The following NUMB variants were observed in gnomAD, a reference collection of about 807,000 sequenced individuals.
NUMB encodes NUMB endocytic adaptor protein, also known as protein numb homolog.
NUMB carries 29 observed loss-of-function variants against 59.7 expected under a neutral mutation model. That is an observed-to-expected ratio of 0.49 (90% confidence interval 0.36 to 0.66). The LOEUF is 0.66. Ranked by LOEUF, NUMB falls within the 30% of genes least tolerant of loss-of-function variation. The pLI is 0.00. For synonymous variants in NUMB, 288 were observed against 288.2 expected (o/e 1.00, Z 0.01); for missense variants, 723 against 822.0 (o/e 0.88, Z 1.47).
At chr14:73,282,109 C>T in intron 11 of NUMB, 1 of 413,470 alleles carries the variant, frequency 2.4e-6, no homozygotes, top group Non-Finnish European at 4.3e-6. Context: ...GTTGGGACTA[C>T]AGAAATTCCT....
At chr14:73,362,315 A>G (rs1348500523) in intron 3 of NUMB, among the ~76,000 whole-genome samples, 1 of 152,170 alleles carries the variant, frequency 6.6e-6, no homozygotes, top group East Asian at 1.9e-4. Context: ...AAATATCACA[A>G]TAGTAAGATG....
intron 10 of NUMB, among the ~76,000 whole-genome samples, chr14:73,283,089 C>T (rs1435732066): frequency 1.3e-5 from 2 of 152,134 alleles, no homozygotes; most frequent in African/African-American, 2.4e-5. Flanking sequence ...GACGCTAGGG[C>T]CTTTATTCTT....
intron 4 of NUMB, among the ~76,000 whole-genome samples, chr14:73,353,463 G>C (rs953234230): frequency 2.7e-5 from 4 of 150,892 alleles, no homozygotes; most frequent in Non-Finnish European, 4.4e-5. Context: ...ACAAATCTTA[G>C]GATGACCACT....
intron 9 of NUMB, chr14:73,286,156 C>T (rs1888978005): frequency 6.9e-6 from 1 of 145,372 alleles, no homozygotes; most frequent in Non-Finnish European, 1.5e-5. Flanking sequence ...TCCCAAGCAG[C>T]TAGGATTACG....
intron 2 of NUMB, among the ~76,000 whole-genome samples, chr14:73,395,635 A>G (rs1350143559): frequency 2.6e-5 from 4 of 152,194 alleles, no homozygotes; most frequent in Non-Finnish European, 5.9e-5. Flanking sequence ...ATAATAAAAT[A>G]TTAAAATTTA....
chr14:73,433,568 T>C (rs1282711677), intron 1 of NUMB, among the ~76,000 whole-genome samples: 1 of 152,180 alleles, frequency 6.6e-6, no homozygotes, highest in African/African-American at 2.4e-5. Flanking sequence ...AAAGACCAGT[T>C]AAACAGTGCT....
At chr14:73,411,092 C>T (rs1201137677) in intron 1 of NUMB, among the ~76,000 whole-genome samples, 3 of 151,994 alleles carry the variant, frequency 2.0e-5, no homozygotes, top group African/African-American at 4.8e-5. Context: ...AGTGCAGTGG[C>T]GTGATCTCGG....
At chr14:73,430,179 A>C (rs954074330) in intron 1 of NUMB, among the ~76,000 whole-genome samples, 1 of 151,764 alleles carries the variant, frequency 6.6e-6, no homozygotes, top group Admixed American at 6.6e-5. Context: ...GCATCAACCT[A>C]TACTGCATTT....
chr14:73,288,631 G>GGGCGGATCACCTGAGGTC (rs910157442), intron 8 of NUMB, among the ~76,000 whole-genome samples: 8 of 151,408 alleles, frequency 5.3e-5, no homozygotes, highest in African/African-American at 1.5e-4. Flanking sequence ...AGGCTGAGGT[G>GGGCGGATCACCTGAGGTC]GGCGGATCAC....
intron 1 of NUMB, among the ~76,000 whole-genome samples, chr14:73,433,110 G>A (rs1408220888): frequency 2.0e-5 from 3 of 151,878 alleles, no homozygotes; most frequent in East Asian, 1.9e-4. Context: ...GGGAGGCTGA[G>A]ACAGGAGAAT....
At chr14:73,330,024 GGGCA>G (rs1891875221) in intron 4 of NUMB, among the ~76,000 whole-genome samples, 2 of 151,910 alleles carry the variant, frequency 1.3e-5, no homozygotes, top group African/African-American at 2.4e-5. Context: ...TCAACAGCAG[GGGCA>G]AACACTTCAA....
intron 2 of NUMB, among the ~76,000 whole-genome samples, chr14:73,404,071 C>T (rs770094136): frequency 2.2e-4 from 30 of 136,318 alleles, no homozygotes; most frequent in African/African-American, 8.0e-4. Context: ...AGCAAGACTC[C>T]GTCTGAAAAA....
intron 1 of NUMB, among the ~76,000 whole-genome samples, chr14:73,419,054 C>G (rs1002155723): frequency 6.6e-6 from 1 of 152,110 alleles, no homozygotes; most frequent in African/African-American, 2.4e-5. Flanking sequence ...AAACTTGGAG[C>G]TTCTTTGCAT....
intron 1 of NUMB, among the ~76,000 whole-genome samples, chr14:73,441,026 A>G (rs1052016620): frequency 6.6e-6 from 1 of 152,022 alleles, no homozygotes; most frequent in Non-Finnish European, 1.5e-5. Flanking sequence ...ACAGCTCACA[A>G]AATGGGAGAA....
At chr14:73,281,772 G>A (rs998945632) in intron 11 of NUMB, among the ~76,000 whole-genome samples, 44 of 152,288 alleles carry the variant, frequency 2.9e-4, no homozygotes, top group African/African-American at 1.0e-3. Context: ...CTCTTTGACA[G>A]GGCAGAGACT....
At chr14:73,441,189 G>T (rs576657563) in intron 1 of NUMB, among the ~76,000 whole-genome samples, 1 of 152,020 alleles carries the variant, frequency 6.6e-6, no homozygotes, top group Non-Finnish European at 1.5e-5. Context: ...TAGACAAATG[G>T]CCAATAAGCA....
chr14:73,438,349 G>C (rs902910347), intron 1 of NUMB, among the ~76,000 whole-genome samples: 1 of 152,004 alleles, frequency 6.6e-6, no homozygotes, highest in Non-Finnish European at 1.5e-5. Flanking sequence ...AATGTTTTCT[G>C]GCTGGAAGCA....
chr14:73,348,855 A>G lies in NUMB; in HGVS notation c.126+6771T>C, dbSNP rs77585916. Among the ~76,000 whole-genome samples, 407 of 152,368 alleles carry G rather than the reference A, an allele frequency of 2.7e-3. 4 individuals are homozygous for G. Among genetic ancestry groups the G allele is most frequent in the African/African-American group, 9.3e-3 (386 of 41,586 alleles). On this transcript the variant is annotated intron_variant, in intron 4 of 12. Coordinates refer to ENST00000555238, the MANE Select transcript of NUMB (RefSeq NM_001005743.2). ...GCTATAGATTTCACAGCTGATTAGA[A>G]GAAGTGCTTCAATTAACTTTACTTC...
chr14:73,327,318 G>A (rs1257033018), intron 4 of NUMB, among the ~76,000 whole-genome samples: 1 of 152,202 alleles, frequency 6.6e-6, no homozygotes, highest in East Asian at 1.9e-4. Flanking sequence ...GTACAGTGGT[G>A]CAATCTCAGC....
Sources: gnomAD v4.1 joint callset for allele counts (sites outside exome capture counted in the v4.1 genomes callset) on GRCh38, gnomAD v4.1.1 for gene constraint, MANE v1.5 for transcripts, NCBI Gene and HGNC (gene_info 2026-07-23, HGNC 2026-07-21) for gene names.